The following CPNE8 variants were observed in gnomAD, a reference collection of about 807,000 sequenced individuals.
CPNE8 encodes the protein copine 8, also known as copine-8.
In CPNE8, 45 loss-of-function variants were observed where a neutral mutation model predicts 81.5. The observed-to-expected ratio is 0.55, with a 90% confidence interval of 0.44 to 0.71. CPNE8 has a LOEUF of 0.71. Ranked by LOEUF, CPNE8 falls within the 30% of genes least tolerant of loss-of-function variation. The pLI is 0.00. For synonymous variants in CPNE8, 252 were observed against 226.3 expected (o/e 1.11, Z -1.02); for missense variants, 594 against 672.1 (o/e 0.88, Z 1.28).
At chr12:38,691,446 C>A (rs1482481680) in intron 15 of CPNE8, among the ~76,000 whole-genome samples, 1 of 152,072 alleles carries the variant, frequency 6.6e-6, no homozygotes, top group African/African-American at 2.4e-5. Flanking sequence ...AAATACTCAG[C>A]ATTGAGTCAA....
chr12:38,711,960 C>A (rs1940270187), intron 13 of CPNE8, among the ~76,000 whole-genome samples: 1 of 152,030 alleles, frequency 6.6e-6, no homozygotes, highest in Admixed American at 6.6e-5. Flanking sequence ...TTATAGAAGG[C>A]AGAATGGCTT....
intron 10 of CPNE8, among the ~76,000 whole-genome samples, chr12:38,740,429 T>C (rs138130023): frequency 0.01 from 1,561 of 152,304 alleles, 113 homozygotes; most frequent in Admixed American, 0.089. Flanking sequence ...TCCAACACTA[T>C]GTTGAATAGG....
rs557711280 is a variant in CPNE8, at chr12:38,802,952, A to G, written c.407+26427T>C. Reference sequence around the variant, plus strand: ...GACACATACAGTCTCCCAAGACTAAACCAGGAAGAAGTTGAATCTCTGAAT... The same window carrying G: ...GACACATACAGTCTCCCAAGACTAAGCCAGGAAGAAGTTGAATCTCTGAAT... On this transcript the variant is annotated intron_variant, in intron 6 of 19. Transcript: ENST00000331366. 8.8e-5 allele frequency among the ~76,000 whole-genome samples: 13 copies of G among 148,018 alleles called. No homozygotes were observed. In the East Asian group the frequency reaches 2.2e-3, roughly 25 times the overall value.
intron 13 of CPNE8, among the ~76,000 whole-genome samples, chr12:38,719,548 T>C (rs2136733590): frequency 6.8e-6 from 1 of 146,990 alleles, no homozygotes. Flanking sequence ...GGTTGCAGTG[T>C]TGCCAGCCTG....
At chr12:38,795,347 C>T (rs868854328) in intron 6 of CPNE8, among the ~76,000 whole-genome samples, 18 of 152,274 alleles carry the variant, frequency 1.2e-4, no homozygotes, top group Middle Eastern at 3.4e-3. Flanking sequence ...GTAGATCTAC[C>T]ATATGATCCG....
intron 6 of CPNE8, among the ~76,000 whole-genome samples, chr12:38,791,011 T>A (rs905831790): frequency 6.6e-6 from 1 of 151,758 alleles, no homozygotes; most frequent in South Asian, 2.1e-4. Flanking sequence ...CTCAGACTAG[T>A]ACCCATTTAA....
chr12:38,757,432 A>T (rs1277607741), intron 10 of CPNE8, among the ~76,000 whole-genome samples: 1 of 152,012 alleles, frequency 6.6e-6, no homozygotes, highest in East Asian at 1.9e-4. Context: ...ATCAATTTGT[A>T]TAATAATCCA....
At chr12:38,760,968 G>T in intron 9 of CPNE8, 80 bp from the exon 10 acceptor site, 3 of 1,105,530 alleles carry the variant, frequency 2.7e-6, no homozygotes, top group South Asian at 1.5e-5. Flanking sequence ...AAAATAAGTT[G>T]TTTTTCTTAG....
intron 14 of CPNE8, among the ~76,000 whole-genome samples, chr12:38,697,019 C>A (rs139226283): frequency 0.011 from 1,626 of 152,248 alleles, 33 homozygotes; most frequent in African/African-American, 0.036. Flanking sequence ...TGTACTCCAG[C>A]CTGGGCGACA....
intron 6 of CPNE8, among the ~76,000 whole-genome samples, chr12:38,810,648 T>G (rs1050756045): frequency 6.6e-6 from 1 of 152,112 alleles, no homozygotes; most frequent in Non-Finnish European, 1.5e-5. Context: ...TACCATAAAC[T>G]TAGTGGGCTA....
At chr12:38,887,763 G>A (rs1466325721) in intron 1 of CPNE8, among the ~76,000 whole-genome samples, 2 of 152,174 alleles carry the variant, frequency 1.3e-5, no homozygotes, top group Non-Finnish European at 2.9e-5. Context: ...AAAGTATGGA[G>A]TTGCCGTTTA....
intron 3 of CPNE8, among the ~76,000 whole-genome samples, chr12:38,862,266 T>C (rs1400920734): frequency 1.3e-5 from 2 of 151,254 alleles, no homozygotes; most frequent in African/African-American, 2.4e-5. Flanking sequence ...TTATTATATA[T>C]ATTATAATCA....
chr12:38,687,876 T>G (rs1939569311), intron 15 of CPNE8, among the ~76,000 whole-genome samples: 1 of 152,200 alleles, frequency 6.6e-6, no homozygotes, highest in South Asian at 2.1e-4. Flanking sequence ...CTTTACATTA[T>G]AAAACTGGTT....
intron 1 of CPNE8, among the ~76,000 whole-genome samples, chr12:38,896,977 T>C (rs1487055834): frequency 6.6e-6 from 1 of 152,128 alleles, no homozygotes; most frequent in Non-Finnish European, 1.5e-5. Flanking sequence ...TTGTACAGAC[T>C]TTATTTCATT....
At chr12:38,705,125 G>A (rs1023332008) in intron 13 of CPNE8, among the ~76,000 whole-genome samples, 3 of 151,602 alleles carry the variant, frequency 2.0e-5, no homozygotes, top group African/African-American at 7.3e-5. Context: ...TAATTAAAAA[G>A]TAAATCATCT....
upstream of CPNE8, chr12:38,905,695 T>A: frequency 6.9e-7 from 1 of 1,454,016 alleles, no homozygotes; most frequent in South Asian, 1.4e-5. Flanking sequence ...GAGGCGGACC[T>A]CCGCGCAGAG....
intron 1 of CPNE8, among the ~76,000 whole-genome samples, chr12:38,879,040 C>T (rs544935527): frequency 3.9e-4 from 60 of 152,224 alleles, no homozygotes; most frequent in African/African-American, 1.3e-3. Flanking sequence ...AACTATTTTT[C>T]AAATAATCGA....
chr12:38,821,124 A>C (rs1045207288), intron 6 of CPNE8, among the ~76,000 whole-genome samples: 3 of 152,210 alleles, frequency 2.0e-5, no homozygotes, highest in African/African-American at 7.2e-5. Flanking sequence ...TTTATGATAA[A>C]GTTTAAAATA....
At chr12:38,663,890 A>G (rs1188831285) in intron 19 of CPNE8, among the ~76,000 whole-genome samples, 2 of 152,118 alleles carry the variant, frequency 1.3e-5, no homozygotes, top group Non-Finnish European at 2.9e-5. Context: ...TAAATACCAC[A>G]TGTTCTCCCT....
Sources: allele counts gnomAD v4.1 joint callset (sites outside exome capture counted in the v4.1 genomes callset), GRCh38; gene constraint gnomAD v4.1.1; transcripts MANE v1.5; gene names NCBI Gene and HGNC (gene_info 2026-07-23, HGNC 2026-07-21).